The following CLCN4 variants were observed in gnomAD, a reference collection of about 807,000 sequenced individuals.
The protein encoded by CLCN4 is Cl-/H+ antiporter 4, also known as H(+)/Cl(-) exchange transporter 4.
Under a neutral mutation model 41.7 loss-of-function variants are expected in CLCN4, and 1 was observed. The observed-to-expected ratio is 0.02, with a 90% CI of 0.01 to 0.11. CLCN4 has a LOEUF of 0.11. Among genes scored for constraint, CLCN4 ranks in the 10% least tolerant of loss-of-function variants. The probability of loss-of-function intolerance (pLI) is 1.00; values close to 1 mark genes in which losing one functional copy is unlikely to be tolerated. For synonymous variants in CLCN4, 277 were observed against 285.8 expected (o/e 0.97, Z 0.31); for missense variants, 287 against 661.0 (o/e 0.43, Z 6.20).
intron 2 of CLCN4, among the ~76,000 whole-genome samples, chrX:10,176,882 GT>G (rs1190238976): frequency 1.8e-5 from 2 of 112,186 alleles, no homozygotes; most frequent in Non-Finnish European, 3.8e-5. Context: ...CAACCACAGC[GT>G]TTTATGGACG....
Position 10,224,014 on chromosome X carries a change from C to T in CLCN4, c.2192+3137C>T, listed in dbSNP as rs780763458. Among the ~76,000 whole-genome samples the T allele has an allele frequency of 6.3e-5, 7 of 111,934 alleles. No individual in the cohort carries two copies. The South Asian group carries it at 2.6e-3, about 41-fold the overall frequency. Reference sequence around the variant, plus strand: ...AGGACATTTCATGCCACTAACGAAGCCTGCTGGATTTGATGTTACCTCCTT... The same window carrying T: ...AGGACATTTCATGCCACTAACGAAGTCTGCTGGATTTGATGTTACCTCCTT... On this transcript the variant is annotated intron_variant, in intron 12 of 12. Transcript: ENST00000380833.
rs1027018474 is a variant in CLCN4, at chrX:10,223,338, G to A, written c.2192+2461G>A. Among the ~76,000 whole-genome samples the A allele has an allele frequency of 8.0e-5, 9 of 111,802 alleles. No individual in the cohort carries two copies. The Admixed American group carries it at 8.5e-4, about 11-fold the overall frequency. On this transcript the variant is annotated intron_variant, in intron 12 of 12. Coordinates refer to ENST00000380833, the MANE Select transcript of CLCN4 (RefSeq NM_001830.4). ...GCAGGAAACTCTGCCCTTAATGCCCGCTCACACCTCATAGAGCCCCATGAG... is the reference window on the plus strand; with the variant it reads ...GCAGGAAACTCTGCCCTTAATGCCCACTCACACCTCATAGAGCCCCATGAG...
At chrX:10,182,925 T>G (rs1458715988) in intron 2 of CLCN4, among the ~76,000 whole-genome samples, 1 of 112,262 alleles carries the variant, frequency 8.9e-6, no homozygotes, top group Non-Finnish European at 1.9e-5. Context: ...AGTAGTTGTT[T>G]GACTAGAGAT....
chrX:10,172,095 C>T (rs1923398350), intron 2 of CLCN4, among the ~76,000 whole-genome samples: 1 of 112,397 alleles, frequency 8.9e-6, no homozygotes, highest in Non-Finnish European at 1.9e-5. Context: ...ACCTTGCAAA[C>T]AGGCCTTTCT....
chrX:10,191,209 C>T (rs1002336378), intron 4 of CLCN4, among the ~76,000 whole-genome samples: 1 of 110,663 alleles, frequency 9.0e-6, no homozygotes. Context: ...CCCCTTCCAG[C>T]CCTAGGCCAC....
At chrX:10,206,934 T>TG (rs56259244) in intron 8 of CLCN4, among the ~76,000 whole-genome samples, 158 bp downstream of exon 8, 3 of 109,682 alleles carry the variant, frequency 2.7e-5, no homozygotes, top group Non-Finnish European at 5.7e-5. Context: ...TTTTTGTTTT[T>TG]TTTGAGACTG....
At chrX:10,168,268 C>T (rs1363900459) in intron 2 of CLCN4, among the ~76,000 whole-genome samples, 2 of 111,899 alleles carry the variant, frequency 1.8e-5, no homozygotes, top group East Asian at 5.6e-4. Context: ...GGGCATTCGG[C>T]CTTTGCAGAT....
intron 9 of CLCN4, 74 bp from the exon 10 acceptor site, chrX:10,212,393 T>G: frequency 9.9e-7 from 1 of 1,007,429 alleles, no homozygotes; most frequent in Non-Finnish European, 1.4e-6. Context: ...CGAGGGGGAA[T>G]GTGTTTCTTG....
At chrX:10,214,430 C>G (rs1924653401) in intron 11 of CLCN4, among the ~76,000 whole-genome samples, 1 of 113,315 alleles carries the variant, frequency 8.8e-6, no homozygotes, top group South Asian at 3.5e-4. Context: ...CCGCTGCTGC[C>G]TTTCAGCAAT....
At chrX:10,217,768 A>T (rs1924764055) in intron 11 of CLCN4, among the ~76,000 whole-genome samples, 2 of 105,547 alleles carry the variant, frequency 1.9e-5, no homozygotes, top group South Asian at 8.5e-4. Flanking sequence ...TTTTTCACTA[A>T]GTCTTGCTCT....
intron 2 of CLCN4, among the ~76,000 whole-genome samples, chrX:10,176,150 C>T (rs770061805): frequency 1.8e-5 from 2 of 112,142 alleles, no homozygotes; most frequent in Admixed American, 9.4e-5. Flanking sequence ...TACTTGTCCC[C>T]GTGGGTCACG....
In CLCN4 at chrX:10,208,496, G is replaced by A. The variant is rs752631287; in HGVS notation, c.1295G>A (p.Arg432Gln). ...CGGCCTGTGGATGACATTCCAGACC[G>A]GCCGGCTGGTGTCGGTGTTTACACG... is the stretch of plus-strand genomic sequence containing the variant. ...MTRPVDDIPD[R>Q]PAGVGVYTAM... Residue 432 changes from arginine (R) to glutamine (Q), a missense_variant, in exon 9 of 13, where the codon CGG (arginine) becomes CAG (glutamine). Coordinates refer to ENST00000380833, the MANE Select transcript of CLCN4 (RefSeq NM_001830.4). 1.7e-6 allele frequency: 2 copies of A among 1,211,070 alleles called. No individual in the cohort carries two copies. Among genetic ancestry groups the A allele is most frequent in the Non-Finnish European group, 2.2e-6 (2 of 895,273 alleles).
Position 10,235,449 on chromosome X carries a change from G to C in CLCN4, c.*1865G>C, listed in dbSNP as rs1390834858. On this transcript the variant is annotated 3_prime_UTR_variant, in exon 13 of 13. Coordinates refer to ENST00000380833, the MANE Select transcript of CLCN4 (RefSeq NM_001830.4). The stretch of plus-strand genomic sequence containing the variant: ...TAAGGAAGAGTGTTGGTCTTCAGGA[G>C]GGGAAGTTTGCTGTATTGGATGCCA... 9.0e-6 allele frequency: 1 copy of C among 111,554 alleles called. No individual in the cohort carries two copies. Among genetic ancestry groups the C allele is most frequent in the Non-Finnish European group, 1.9e-5 (1 of 53,082 alleles). 9.2% of individuals were successfully genotyped at this position (111,554 alleles called of 1,213,427 possible).
chrX:10,213,677 G>T lies in CLCN4; in HGVS notation c.1577-4G>T. ...TGGAATCTTACTCCTCCCCTCTGTT[G>T]CAGGTGGAGTTACCAGGATGACGGT... On this transcript the variant is annotated splice_region_variant and splice_polypyrimidine_tract_variant and intron_variant, in intron 10 of 12. Transcript: ENST00000380833. 8.3e-7 allele frequency: 1 copy of T among 1,199,811 alleles called. No individual in the cohort carries two copies. Among genetic ancestry groups the T allele is most frequent in the Non-Finnish European group, 1.1e-6 (1 of 887,150 alleles).
At chrX:10,201,132 A>G (rs1276812267) in intron 6 of CLCN4, among the ~76,000 whole-genome samples, 2 of 112,145 alleles carry the variant, frequency 1.8e-5, no homozygotes, top group East Asian at 5.6e-4. Flanking sequence ...AAATGAAAAA[A>G]CGTATGTGCT....
intron 6 of CLCN4, among the ~76,000 whole-genome samples, chrX:10,203,888 A>G (rs1426490557): frequency 8.9e-6 from 1 of 112,004 alleles, no homozygotes; most frequent in Non-Finnish European, 1.9e-5. Context: ...TTGAAGTTAC[A>G]TAAATAACAC....
chrX:10,175,190 C>T (rs758217385), intron 2 of CLCN4, among the ~76,000 whole-genome samples: 1 of 111,463 alleles, frequency 9.0e-6, no homozygotes, highest in Admixed American at 9.5e-5. Flanking sequence ...TAGGAGGTTG[C>T]GGTGACCTGG....
chrX:10,189,806 G>A (rs1445422162), intron 4 of CLCN4, among the ~76,000 whole-genome samples: 1 of 112,029 alleles, frequency 8.9e-6, no homozygotes, highest in East Asian at 2.8e-4. Context: ...TGTCACTGTT[G>A]GACCACGAAA....
chrX:10,209,935 C>A (rs1924501538), intron 9 of CLCN4, among the ~76,000 whole-genome samples: 1 of 107,552 alleles, frequency 9.3e-6, no homozygotes, highest in Non-Finnish European at 1.9e-5. Flanking sequence ...GTGCAATTAA[C>A]ACCTGTATTT....
Sources: allele counts gnomAD v4.1 joint callset (sites outside exome capture counted in the v4.1 genomes callset), GRCh38; gene constraint gnomAD v4.1.1; transcripts MANE v1.5; gene names NCBI Gene and HGNC (gene_info 2026-07-23, HGNC 2026-07-21).